The following KAZN variants were observed in gnomAD, a reference collection of about 807,000 sequenced individuals.
KAZN encodes the protein kazrin.
In KAZN, 40 loss-of-function variants were observed where a neutral mutation model predicts 87.4. That is an observed-to-expected ratio of 0.46 (90% confidence interval 0.36 to 0.60). KAZN has a LOEUF of 0.60. KAZN is among the 20% of genes least tolerant of loss of function. The pLI is 0.00. For synonymous variants in KAZN, 466 were observed against 458.3 expected, an observed-to-expected ratio of 1.02 and a Z score of -0.22; for missense variants, 898 against 1,073.9, an observed-to-expected ratio of 0.84 and a Z score of 2.29.
At chr1:14,464,727 G>T (rs570661808) in intron 2 of KAZN, among the ~76,000 whole-genome samples, 5 of 151,962 alleles carry the variant, frequency 3.3e-5, no homozygotes, top group African/African-American at 1.2e-4. Flanking sequence ...TTTTAGTAGA[G>T]ACAGGGTTTC....
At chr1:13,939,877 G>A (rs1557734112) in intron 1 of KAZN, among the ~76,000 whole-genome samples, 1 of 152,024 alleles carries the variant, frequency 6.6e-6, no homozygotes, top group Non-Finnish European at 1.5e-5. Flanking sequence ...GGTGGTGGGG[G>A]AGGCGCCTCA....
chr1:14,583,396 G>T (rs372442410), intron 2 of KAZN, among the ~76,000 whole-genome samples: 2 of 152,356 alleles, frequency 1.3e-5, no homozygotes, highest in African/African-American at 4.8e-5. Context: ...CTGCAATCCA[G>T]TTTCCTGCAT....
intron 1 of KAZN, among the ~76,000 whole-genome samples, chr1:13,992,571 A>G (rs1005455915): frequency 6.6e-6 from 1 of 152,220 alleles, no homozygotes; most frequent in African/African-American, 2.4e-5. Context: ...GCTTGACTTA[A>G]GATAATGGCC....
intron 2 of KAZN, among the ~76,000 whole-genome samples, chr1:14,413,252 TAATTA>T (rs1440819730): frequency 6.6e-6 from 1 of 151,310 alleles, no homozygotes; most frequent in East Asian, 1.9e-4. Context: ...ATACGGAAAA[TAATTA>T]AATTAGACCT....
intron 1 of KAZN, among the ~76,000 whole-genome samples, chr1:14,052,484 ACCCTGTG>A (rs1357542545): frequency 6.6e-6 from 1 of 152,024 alleles, no homozygotes; most frequent in Non-Finnish European, 1.5e-5. Context: ...TTAAGATCAT[ACCCTGTG>A]ATGCTGAAAA....
chr1:14,464,600 G>C (rs372034939), intron 2 of KAZN, among the ~76,000 whole-genome samples: 2 of 151,426 alleles, frequency 1.3e-5, no homozygotes, highest in East Asian at 3.9e-4. Flanking sequence ...GTGCAGTGGC[G>C]TGATTTCAGC....
intron 2 of KAZN, among the ~76,000 whole-genome samples, chr1:14,541,625 G>C (rs1672817403): frequency 6.6e-6 from 1 of 152,186 alleles, no homozygotes; most frequent in South Asian, 2.1e-4. Context: ...GCTCTGGGGA[G>C]GGCTTTCGGC....
intron 2 of KAZN, among the ~76,000 whole-genome samples, chr1:14,387,935 A>G (rs961725508): frequency 6.6e-6 from 1 of 152,008 alleles, no homozygotes; most frequent in Non-Finnish European, 1.5e-5. Flanking sequence ...TTGCTGTTTG[A>G]TCTCAGACTG....
intron 2 of KAZN, among the ~76,000 whole-genome samples, chr1:14,549,573 C>A (rs1037294130): frequency 6.6e-6 from 1 of 151,318 alleles, no homozygotes; most frequent in Non-Finnish European, 1.5e-5. Flanking sequence ...CCCAAACTTA[C>A]GAACAGATAC....
At chr1:14,637,638 G>T (rs1680093239) in intron 1 of KAZN, among the ~76,000 whole-genome samples, 1 of 152,118 alleles carries the variant, frequency 6.6e-6, no homozygotes, top group East Asian at 1.9e-4. Context: ...GTGTGTGGGG[G>T]CGGGTGTTAT....
rs142348029 is a variant in KAZN at position 14,685,108 on chromosome 1, G to A, written c.226+85885G>A. Among the ~76,000 whole-genome samples, 10 of 152,276 alleles carry A rather than the reference G, an allele frequency of 6.6e-5. No homozygotes were observed. The East Asian group carries it at 1.9e-3, about 29-fold the overall frequency. On this transcript the variant is annotated intron_variant, in intron 1 of 14. Transcript: ENST00000376030. ...TGAGACAAGGATTCAAGAACAAATA[G>A]TTTATCTGAAAGATGCCAGAACACC...
intron 2 of KAZN, among the ~76,000 whole-genome samples, chr1:14,539,906 G>A (rs370616854): frequency 6.6e-6 from 1 of 152,140 alleles, no homozygotes; most frequent in East Asian, 1.9e-4. Context: ...TGCACTTAAA[G>A]TCATCTTTTC....
intron 1 of KAZN, among the ~76,000 whole-genome samples, chr1:14,129,156 A>G (rs186391637): frequency 1.4e-4 from 21 of 152,280 alleles, no homozygotes; most frequent in African/African-American, 5.1e-4. Flanking sequence ...GTACCCTATC[A>G]GTGGAGTTGA....
chr1:14,669,896 C>A (rs57061856), intron 1 of KAZN, among the ~76,000 whole-genome samples: 1 of 98,482 alleles, frequency 1.0e-5, no homozygotes. Context: ...AACTGACCAA[C>A]TTTTCCTGGG....
At chr1:14,445,375 C>A (rs750069314) in intron 2 of KAZN, among the ~76,000 whole-genome samples, 1 of 152,092 alleles carries the variant, frequency 6.6e-6, no homozygotes, top group Admixed American at 6.5e-5. Flanking sequence ...CACATATGCT[C>A]GGGGAGATCA....
At chr1:14,459,813 T>G (rs2486769) in intron 2 of KAZN, among the ~76,000 whole-genome samples, 87,719 of 152,042 alleles carry the variant, frequency 0.58, 25,936 homozygotes, top group African/African-American at 0.69. Context: ...GGTGGTATTT[T>G]CACAATAGAA....
intron 1 of KAZN, among the ~76,000 whole-genome samples, chr1:14,051,679 A>G (rs1642335633): frequency 6.6e-6 from 1 of 152,156 alleles, no homozygotes; most frequent in Admixed American, 6.5e-5. Flanking sequence ...GTCTCCACAA[A>G]AACTACAAAA....
chr1:14,316,043 C>T (rs748091055), intron 2 of KAZN, among the ~76,000 whole-genome samples: 3 of 152,048 alleles, frequency 2.0e-5, no homozygotes, highest in Admixed American at 6.6e-5. Flanking sequence ...CGTAGCTCCG[C>T]ATCTGCACCA....
At chr1:14,136,737 T>C (rs922079802) in intron 1 of KAZN, among the ~76,000 whole-genome samples, 6 of 152,282 alleles carry the variant, frequency 3.9e-5, no homozygotes, top group Middle Eastern at 3.4e-3. Flanking sequence ...TTGATGAGGT[T>C]AGTTTGTTTG....
Sources: gnomAD v4.1 joint callset for allele counts (sites outside exome capture counted in the v4.1 genomes callset) on GRCh38, gnomAD v4.1.1 for gene constraint, MANE v1.5 for transcripts, NCBI Gene and HGNC (gene_info 2026-07-23, HGNC 2026-07-21) for gene names.